PSMB1: variants seen among roughly 807,000 people sequenced by gnomAD.
The protein encoded by PSMB1 is proteasome subunit beta type-1.
Under a neutral mutation model 25.4 loss-of-function variants are expected in PSMB1, and 7 were observed. The observed-to-expected ratio is 0.28, with a 90% CI of 0.16 to 0.52. The LOEUF is 0.52. Among genes scored for constraint, PSMB1 ranks in the 20% least tolerant of loss-of-function variants. The probability of loss-of-function intolerance (pLI) is 0.97; values close to 1 mark genes in which losing one functional copy is unlikely to be tolerated. For missense variants in PSMB1, 284 were observed against 302.2 expected, an observed-to-expected ratio of 0.94 and a Z score of 0.45; for synonymous variants, 119 against 115.0, an observed-to-expected ratio of 1.03 and a Z score of -0.22.
At chr6:170,542,659 CAG>C (rs1778771048) in intron 4 of PSMB1, among the ~76,000 whole-genome samples, 1 of 152,210 alleles carries the variant, frequency 6.6e-6, no homozygotes, top group African/African-American at 2.4e-5. Flanking sequence ...AGGACTGCTG[CAG>C]CACTAAATGC....
Position 170,535,358 on chromosome 6 carries a change from C to T in PSMB1, c.588G>A (p.Leu196=), listed in dbSNP as rs1414364815. 2 of 1,614,006 alleles carry T rather than the reference C, an allele frequency of 1.2e-6. No homozygotes were observed. Among genetic ancestry groups the T allele is most frequent in the Non-Finnish European group, 1.7e-6 (2 of 1,180,032 alleles). Reference sequence around the variant, plus strand: ...CTTTCACCAGCCGCATGGCTCTGTCCAAGGACAGCGGAACATGCTCCACAT... The same window carrying T: ...CTTTCACCAGCCGCATGGCTCTGTCTAAGGACAGCGGAACATGCTCCACAT... The part of the protein sequence containing the change: ...MQNVEHVPLS[L]DRAMRLVKDV... The change falls in exon 6 of 6, where the codon TTG becomes TTA. Residue 196 remains leucine (L), a synonymous_variant. Transcript: ENST00000262193.
At chr6:170,551,635 A>G (rs920477548) in intron 1 of PSMB1, among the ~76,000 whole-genome samples, 1 of 152,218 alleles carries the variant, frequency 6.6e-6, no homozygotes, top group Non-Finnish European at 1.5e-5. Flanking sequence ...AACGGGTCCA[A>G]TAACCCTCCC....
intron 1 of PSMB1, chr6:170,549,428 T>G: frequency 8.2e-6 from 2 of 244,454 alleles, no homozygotes; most frequent in Non-Finnish European, 1.6e-5. Context: ...AACAACTAAA[T>G]ACCACATCTG....
intron 1 of PSMB1, among the ~76,000 whole-genome samples, chr6:170,552,665 C>CTATG (rs1174011678): frequency 2.0e-5 from 3 of 152,238 alleles, no homozygotes; most frequent in Non-Finnish European, 2.9e-5. Flanking sequence ...ACCAACCCAG[C>CTATG]TATGCATCTA....
At chr6:170,542,256 T>C (rs936883371) in intron 4 of PSMB1, among the ~76,000 whole-genome samples, 2 of 152,134 alleles carry the variant, frequency 1.3e-5, no homozygotes, top group African/African-American at 2.4e-5. Flanking sequence ...GAGTCAGAGA[T>C]AGCGCACGCA....
intron 2 of PSMB1, among the ~76,000 whole-genome samples, chr6:170,548,341 C>G (rs1778848210): frequency 6.6e-6 from 1 of 152,146 alleles, no homozygotes; most frequent in Non-Finnish European, 1.5e-5. Context: ...CTGGTAAATA[C>G]AGACCACTGC....
chr6:170,549,191 T>C, intron 1 of PSMB1, 78 bp from the exon 2 acceptor site: 1 of 763,756 alleles, frequency 1.3e-6, no homozygotes, highest in South Asian at 1.7e-5. Context: ...CCATAGTACA[T>C]AATGGGATAA....
rs917132954 is a variant in PSMB1, at chr6:170,549,169, T to C, written c.114-56A>G. On this transcript the variant is annotated intron_variant, in intron 1 of 5. Coordinates refer to ENST00000262193, the MANE Select transcript of PSMB1 (RefSeq NM_002793.4). ...AGGGTGGTAATCCTATCCCTACAAATAGAAGAATGCTCCATAGTACATAAT... is the reference window on the plus strand; with the variant it reads ...AGGGTGGTAATCCTATCCCTACAAACAGAAGAATGCTCCATAGTACATAAT... 5.8e-5 allele frequency: 57 copies of C among 985,942 alleles called. No individual in the cohort carries two copies. The African/African-American group carries it at 6.6e-4, about 11-fold the overall frequency. 61.1% of individuals were successfully genotyped at this position (985,942 alleles called of 1,614,324 possible).
rs529529687 is a variant in PSMB1 at position 170,552,455 on chromosome 6, G to T, written c.113+675C>A. 9.9e-5 allele frequency among the ~76,000 whole-genome samples: 15 copies of T among 151,858 alleles called. No individual in the cohort carries two copies. The East Asian group carries it at 2.7e-3, about 27-fold the overall frequency. On this transcript the variant is annotated intron_variant, in intron 1 of 5. Transcript: ENST00000262193. ...ACCAAAACTTGAACATAACATACAA[G>T]AACACACATACTAAAAGGTCCATCT...
At chr6:170,550,904 AGG>A (rs11360199) in intron 1 of PSMB1, among the ~76,000 whole-genome samples, 9,510 of 76,068 alleles carry the variant, frequency 0.13, 938 homozygotes, top group African/African-American at 0.29. Context: ...TGGGAGGCTG[AGG>A]GGGGGGGGGG....
intron 4 of PSMB1, among the ~76,000 whole-genome samples, chr6:170,541,040 T>G (rs1368602825): frequency 1.3e-5 from 2 of 151,970 alleles, no homozygotes; most frequent in Non-Finnish European, 2.9e-5. Context: ...AAAGAAAAGA[T>G]CCTAAAAGCA....
At chr6:170,543,759 T>G (rs2114978240) in intron 3 of PSMB1, 29 bp from the exon 4 acceptor site, 1 of 1,594,012 alleles carries the variant, frequency 6.3e-7, no homozygotes, top group Non-Finnish European at 8.6e-7. Flanking sequence ...GTCACAGGCA[T>G]GTAGAGGCAG....
Position 170,547,455 on chromosome 6 carries a change from G to A in PSMB1, c.222-1271C>T, listed in dbSNP as rs114771603. On this transcript the variant is annotated intron_variant, in intron 2 of 5. Transcript: ENST00000262193. ...AGAAACCTAAACAATATTTTGCAGA[G>A]GCCACACAATTCCTCTTGGAAACTT... is the stretch of plus-strand genomic sequence containing the variant. Among the ~76,000 whole-genome samples, 638 of 152,214 alleles carry A rather than the reference G, an allele frequency of 4.2e-3. 6 individuals carry two copies. Among genetic ancestry groups the A allele is most frequent in the African/African-American group, 0.014 (593 of 41,516 alleles).
chr6:170,549,133 A>C lies in PSMB1; in HGVS notation c.114-20T>G. ...ATAGTACTGAGGAAAAAAGAAAAAAATTAATTCTCCAGGGTGGTAATCCTA... is the reference window on the plus strand; with the variant it reads ...ATAGTACTGAGGAAAAAAGAAAAAACTTAATTCTCCAGGGTGGTAATCCTA... On this transcript the variant is annotated intron_variant, in intron 1 of 5. Transcript: ENST00000262193. 6.8e-7 allele frequency: 1 copy of C among 1,463,664 alleles called. No individual in the cohort carries two copies. The highest frequency in any genetic ancestry group is 9.6e-7 in the Non-Finnish European group (1 of 1,046,340). 90.7% of individuals were successfully genotyped at this position (1,463,664 alleles called of 1,614,324 possible).
At chr6:170,537,163 G>A (rs962766288) in intron 5 of PSMB1, 71 bp downstream of exon 5, 34 of 1,184,696 alleles carry the variant, frequency 2.9e-5, no homozygotes, top group Non-Finnish European at 4.3e-5. Context: ...GGAGAACTTG[G>A]AGGAAGGCAC....
At chr6:170,540,588 C>CG (rs1778746964) in intron 4 of PSMB1, among the ~76,000 whole-genome samples, 1 of 61,200 alleles carries the variant, frequency 1.6e-5, no homozygotes, top group Non-Finnish European at 2.7e-5. Flanking sequence ...GAATGGACAG[C>CG]AAAAAAAAAA....
At chr6:170,550,062 T>C (rs990015829) in intron 1 of PSMB1, 1 of 152,214 alleles carries the variant, frequency 6.6e-6, no homozygotes, top group African/African-American at 2.4e-5. Flanking sequence ...GGTGTGTATA[T>C]TTTAATGTAC....
intron 4 of PSMB1, among the ~76,000 whole-genome samples, chr6:170,538,771 TG>T (rs1376609208): frequency 1.1e-4 from 17 of 152,178 alleles, no homozygotes; most frequent in Non-Finnish European, 2.4e-4. Context: ...CCTAAGAAAC[TG>T]GGAAGTATTT....
intron 4 of PSMB1, 109 bp downstream of exon 4, chr6:170,543,492 G>A: frequency 8.8e-7 from 1 of 1,138,488 alleles, no homozygotes; most frequent in South Asian, 2.0e-5. Flanking sequence ...AATGAAATGA[G>A]AATTGTGTCA....
Sources: allele counts gnomAD v4.1 joint callset (sites outside exome capture counted in the v4.1 genomes callset), GRCh38; gene constraint gnomAD v4.1.1; transcripts MANE v1.5; gene names NCBI Gene and HGNC (gene_info 2026-07-23, HGNC 2026-07-21).